Variants in GXYLT1 observed in about 807,000 individuals in gnomAD.
The protein encoded by GXYLT1 is glycosyltransferase 8 domain containing 3.
In GXYLT1, 29 loss-of-function variants were observed where a neutral mutation model predicts 54.0. The observed-to-expected ratio is 0.54, with a 90% confidence interval of 0.40 to 0.73. The LOEUF is 0.73. GXYLT1 is among the 30% of genes least tolerant of loss of function. GXYLT1 has a pLI of 0.00. For missense variants in GXYLT1, 490 were observed against 553.4 expected, an observed-to-expected ratio of 0.89 and a Z score of 1.15; for synonymous variants, 176 against 204.1, an observed-to-expected ratio of 0.86 and a Z score of 1.17.
At chr12:42,105,068 G>A (rs2136888320) in intron 5 of GXYLT1, among the ~76,000 whole-genome samples, 1 of 152,324 alleles carries the variant, frequency 6.6e-6, no homozygotes, top group Admixed American at 6.5e-5. Flanking sequence ...TAAGTGGCTA[G>A]TAGTTAAGTA....
intron 2 of GXYLT1, among the ~76,000 whole-genome samples, chr12:42,122,114 G>C (rs947420356): frequency 2.0e-5 from 3 of 152,130 alleles, no homozygotes; most frequent in Non-Finnish European, 2.9e-5. Flanking sequence ...AGTCCATCTG[G>C]ATTTAAAGAA....
chr12:42,140,196 A>AGG, intron 1 of GXYLT1, among the ~76,000 whole-genome samples: 1 of 66,074 alleles, frequency 1.5e-5, no homozygotes, highest in Admixed American at 1.6e-4. Context: ...AAAAAAAAAA[A>AGG]AGGCGGGGGG....
At chr12:42,139,108 A>T (rs1204490102) in intron 1 of GXYLT1, among the ~76,000 whole-genome samples, 1 of 151,700 alleles carries the variant, frequency 6.6e-6, no homozygotes, top group Non-Finnish European at 1.5e-5. Flanking sequence ...AGGTGGGAGG[A>T]TCACTTGAGC....
intron 5 of GXYLT1, among the ~76,000 whole-genome samples, chr12:42,103,703 T>C (rs1452574370): frequency 1.3e-5 from 2 of 152,268 alleles, no homozygotes; most frequent in East Asian, 1.9e-4. Flanking sequence ...AACAGGGTTG[T>C]TTGTAACACA....
At chr12:42,117,102 G>A (rs1282025933) in intron 3 of GXYLT1, among the ~76,000 whole-genome samples, 1 of 146,958 alleles carries the variant, frequency 6.8e-6, no homozygotes, top group Admixed American at 6.8e-5. Context: ...CACAGGAAGG[G>A]GAACATCACA....
At chr12:42,127,980 T>C (rs1245797632) in intron 2 of GXYLT1, among the ~76,000 whole-genome samples, 1 of 152,228 alleles carries the variant, frequency 6.6e-6, no homozygotes, top group African/African-American at 2.4e-5. Context: ...CACCAGTTCT[T>C]CATGGGATGC....
At chr12:42,130,943 C>T (rs1424687850) in intron 1 of GXYLT1, among the ~76,000 whole-genome samples, 2 of 152,064 alleles carry the variant, frequency 1.3e-5, no homozygotes, top group African/African-American at 4.8e-5. Context: ...GCAAAAGAGA[C>T]TCTGTCTCAA....
Position 42,105,894 on chromosome 12 carries a change from G to C in GXYLT1, c.788C>G (p.Pro263Arg). Reference sequence around the variant, plus strand: ...GTTTACTCCAGTTTTTCCATAATATGGATGCCTAGCAAAGCGATTATACCA... The same window carrying C: ...GTTTACTCCAGTTTTTCCATAATATCGATGCCTAGCAAAGCGATTATACCA... ...IGWYNRFARH[P>R]YYGKTGVNSG... is the part of the protein sequence containing the mutation. Residue 263 changes from proline (P) to arginine (R), a missense_variant, in exon 5 of 8, where the codon CCA (proline) becomes CGA (arginine). This residue lies in a region of GXYLT1 where 342 missense variants were observed against 342.6 expected (regional missense o/e 1.00). Transcript: ENST00000398675. 6.2e-7 allele frequency: 1 copy of C among 1,613,432 alleles called. No individual in the cohort carries two copies. The highest frequency in any genetic ancestry group is 8.5e-7 in the Non-Finnish European group (1 of 1,179,428).
intron 1 of GXYLT1, among the ~76,000 whole-genome samples, chr12:42,135,056 T>C (rs1055850445): frequency 6.6e-6 from 1 of 152,232 alleles, no homozygotes; most frequent in African/African-American, 2.4e-5. Flanking sequence ...GGGAGGCATA[T>C]ATCCCTGCAT....
chr12:42,133,815 T>A (rs896825605), intron 1 of GXYLT1, among the ~76,000 whole-genome samples: 1 of 152,192 alleles, frequency 6.6e-6, no homozygotes, highest in African/African-American at 2.4e-5. Context: ...TCATTTCAGA[T>A]ACTGCAAGGT....
chr12:42,097,780 T>C (rs1402475394), intron 6 of GXYLT1, 130 bp downstream of exon 6: 1 of 998,914 alleles, frequency 1.0e-6, no homozygotes, highest in East Asian at 2.6e-5. Context: ...AGAAAAGTTT[T>C]ACTCCGTCTT....
chr12:42,141,870 G>A lies in GXYLT1; in HGVS notation c.221+2556C>T, dbSNP rs80162656. Among the ~76,000 whole-genome samples, 1,131 of 152,058 alleles carry A rather than the reference G, an allele frequency of 7.4e-3. 36 individuals carry two copies. In the East Asian group the frequency reaches 0.1, roughly 14 times the overall value. On this transcript the variant is annotated intron_variant, in intron 1 of 7. Coordinates refer to ENST00000398675, the MANE Select transcript of GXYLT1 (RefSeq NM_173601.2). ...ATGGCTTCAAACAGAATACACTAAC[G>A]GATAAGAGATTCCACTGAAAAACTG...
Position 42,134,329 on chromosome 12 carries a change from T to C in GXYLT1, c.222-4478A>G, listed in dbSNP as rs554517520. ...ATCTAATAATTATGGTTCTTTTTTC[T>C]GAGACAGGGTCTTGCTCTGTCGCTC... is the stretch of plus-strand genomic sequence containing the variant. On this transcript the variant is annotated intron_variant, in intron 1 of 7. Coordinates refer to ENST00000398675, the MANE Select transcript of GXYLT1 (RefSeq NM_173601.2). Among the ~76,000 whole-genome samples, 16 of 152,330 alleles carry C rather than the reference T, an allele frequency of 1.1e-4. No individual in the cohort carries two copies. The East Asian group carries it at 3.1e-3, about 29-fold the overall frequency.
intron 1 of GXYLT1, 50 bp from the exon 2 acceptor site, chr12:42,129,901 GAACT>G (rs1238644170): frequency 1.7e-6 from 2 of 1,163,240 alleles, no homozygotes; most frequent in Admixed American, 3.6e-5. Flanking sequence ...TTTTGGTTTG[GAACT>G]AACAAGGAAT....
intron 7 of GXYLT1, among the ~76,000 whole-genome samples, chr12:42,095,412 T>C (rs1314493689): frequency 6.6e-6 from 1 of 151,796 alleles, no homozygotes; most frequent in Non-Finnish European, 1.5e-5. Flanking sequence ...CTCTGGTACA[T>C]ACATAAAGTA....
At chr12:42,142,808 A>G (rs2065659249) in intron 1 of GXYLT1, among the ~76,000 whole-genome samples, 1 of 152,184 alleles carries the variant, frequency 6.6e-6, no homozygotes, top group South Asian at 2.1e-4. Flanking sequence ...ATGGTTTCTT[A>G]TGCGCGCAAA....
chr12:42,138,196 G>T (rs1426967872), intron 1 of GXYLT1, among the ~76,000 whole-genome samples: 3 of 152,218 alleles, frequency 2.0e-5, no homozygotes, highest in Non-Finnish European at 4.4e-5. Flanking sequence ...GAACCCAGAA[G>T]GTGGAGGCTG....
chr12:42,134,316 T>C (rs983824830), intron 1 of GXYLT1, among the ~76,000 whole-genome samples: 4 of 152,120 alleles, frequency 2.6e-5, no homozygotes, highest in African/African-American at 4.8e-5. Flanking sequence ...CTAATAATTA[T>C]GGTTCTTTTT....
In GXYLT1 at chr12:42,144,868, C is replaced by T. The variant is rs531867456; in HGVS notation, c.-222G>A. ...ACTACCCGCCCGGAAGCCTGGACAC[C>T]GCCTCTGCCGCCGCGCGCTCAAGGG... On this transcript the variant is annotated 5_prime_UTR_variant, in exon 1 of 8. Transcript: ENST00000398675. 2.0e-3 allele frequency: 661 copies of T among 325,966 alleles called. 4 individuals are homozygous for T. The highest frequency in any genetic ancestry group is 3.4e-3 in the Non-Finnish European group (601 of 177,254). 20.2% of individuals were successfully genotyped at this position (325,966 alleles called of 1,614,324 possible).
Sources: allele counts gnomAD v4.1 joint callset (sites outside exome capture counted in the v4.1 genomes callset), GRCh38; gene constraint gnomAD v4.1.1; regional missense constraint gnomAD v4.1.1; transcripts MANE v1.5; gene names NCBI Gene and HGNC (gene_info 2026-07-23, HGNC 2026-07-21).